KIRREL3: variants seen among roughly 807,000 people sequenced by gnomAD.
The protein encoded by KIRREL3 is kin of IRRE-like protein 3.
KIRREL3 carries 36 observed loss-of-function variants against 89.7 expected under a neutral mutation model. That is an observed-to-expected ratio of 0.40 (90% CI 0.31 to 0.53). The LOEUF is 0.53. Among genes scored for constraint, KIRREL3 ranks in the 20% least tolerant of loss-of-function variants. The pLI is 0.49. For synonymous variants in KIRREL3, 445 were observed against 441.4 expected (o/e 1.01, Z -0.10); for missense variants, 864 against 1,056.6 (o/e 0.82, Z 2.53).
At chr11:126,674,135 G>A (rs753439437) in intron 1 of KIRREL3, among the ~76,000 whole-genome samples, 2 of 152,212 alleles carry the variant, frequency 1.3e-5, no homozygotes, top group Non-Finnish European at 2.9e-5. Flanking sequence ...TGGCTCTGCT[G>A]GAATGTTACA....
At chr11:126,629,112 T>C (rs1421711448) in intron 1 of KIRREL3, among the ~76,000 whole-genome samples, 1 of 152,210 alleles carries the variant, frequency 6.6e-6, no homozygotes, top group Non-Finnish European at 1.5e-5. Flanking sequence ...ATGATGCACA[T>C]GTCTTGCTTC....
In KIRREL3 at chr11:126,814,553, T is replaced by C. The variant is rs1951496213; in HGVS notation, c.55+185902A>G. On this transcript the variant is annotated intron_variant, in intron 1 of 16. Transcript: ENST00000525144. This position sits in a 1 kb window ranked among gnomAD's most constrained non-coding sequence, Gnocchi z 4.4. ...TCAATGATAGACTGGATAAAGAAAA[T>C]GTGATACATATACACCATGGAATAC... Among the ~76,000 whole-genome samples the C allele has an allele frequency of 6.6e-6, 1 of 152,036 alleles. No homozygotes were observed. Among genetic ancestry groups the C allele is most frequent in the South Asian group, 2.1e-4 (1 of 4,824 alleles).
Position 126,696,312 on chromosome 11 carries a change from A to AACCCTTCTCCCTTTCTTTG in KIRREL3, c.56-133419_56-133401dup, listed in dbSNP as rs563909245. Among the ~76,000 whole-genome samples the AACCCTTCTCCCTTTCTTTG allele has an allele frequency of 6.4e-4, 96 of 150,880 alleles. No homozygotes were observed. The highest frequency in any genetic ancestry group is 2.2e-3 in the African/African-American group (91 of 41,078). On this transcript the variant is annotated intron_variant, in intron 1 of 16. Transcript: ENST00000525144. This position sits in a 1 kb window ranked among gnomAD's most constrained non-coding sequence, Gnocchi z 4.4. ...CCTAGTGCTTCCTTATTGCTTAATT[A>AACCCTTCTCCCTTTCTTTG]ACCCTTCTCCCTTTCTTTGACCCTT... is the stretch of plus-strand genomic sequence containing the variant.
chr11:126,960,959 G>C (rs1390310220), intron 1 of KIRREL3, among the ~76,000 whole-genome samples: 1 of 152,092 alleles, frequency 6.6e-6, no homozygotes, highest in Non-Finnish European at 1.5e-5. Context: ...ATGGTGATCT[G>C]TGATCAGTGA....
chr11:126,801,290 AC>A (rs1951024871), intron 1 of KIRREL3, among the ~76,000 whole-genome samples: 2 of 152,206 alleles, frequency 1.3e-5, no homozygotes, highest in Non-Finnish European at 2.9e-5. Flanking sequence ...TCAGCCTGAT[AC>A]ATCATTTTTC....
At chr11:126,556,997 C>T (rs922578151) in intron 2 of KIRREL3, among the ~76,000 whole-genome samples, 2 of 152,246 alleles carry the variant, frequency 1.3e-5, no homozygotes, top group Admixed American at 1.3e-4. Flanking sequence ...CGGTATTAGC[C>T]AACATCCCGG....
Position 126,576,852 on chromosome 11 carries a change from A to G in KIRREL3, c.56-13940T>C, listed in dbSNP as rs1226669484. ...ACTGGAATGCAGAAGGAAGGACAAG[A>G]GATGAGCCTTTACTGAGATGCTGCT... is the stretch of plus-strand genomic sequence containing the variant. On this transcript the variant is annotated intron_variant, in intron 1 of 16. Transcript: ENST00000525144. The surrounding 1 kb of genome is among the most constrained non-coding windows in gnomAD (Gnocchi z 5.4). Among the ~76,000 whole-genome samples the G allele has an allele frequency of 2.0e-5, 3 of 152,270 alleles. No individual in the cohort carries two copies. The East Asian group carries it at 5.8e-4, about 29-fold the overall frequency.
chr11:126,674,261 T>C (rs1193837741), intron 1 of KIRREL3, among the ~76,000 whole-genome samples: 1 of 152,244 alleles, frequency 6.6e-6, no homozygotes, highest in Non-Finnish European at 1.5e-5. Context: ...CTCCAATTTA[T>C]GTCACAAGGA....
intron 1 of KIRREL3, among the ~76,000 whole-genome samples, chr11:126,833,944 T>C (rs111344538): frequency 0.013 from 2,049 of 152,312 alleles, 46 homozygotes; most frequent in African/African-American, 0.047. Context: ...TGTTTCAGCC[T>C]TTGGAGTTGA....
chr11:126,587,170 C>A lies in KIRREL3; in HGVS notation c.56-24258G>T, dbSNP rs1941904583. Among the ~76,000 whole-genome samples the A allele has an allele frequency of 6.6e-6, 1 of 151,902 alleles. No homozygotes were observed. Among genetic ancestry groups the A allele is most frequent in the South Asian group, 2.1e-4 (1 of 4,826 alleles). Reference sequence around the variant, plus strand: ...GAGCCACTCACCAGACATGGCAGTTCTTGGAAAATGTCCACTGGGGACATG... The same window carrying A: ...GAGCCACTCACCAGACATGGCAGTTATTGGAAAATGTCCACTGGGGACATG... On this transcript the variant is annotated intron_variant, in intron 1 of 16. Coordinates refer to ENST00000525144, the MANE Select transcript of KIRREL3 (RefSeq NM_032531.4). This position sits in a 1 kb window ranked among gnomAD's most constrained non-coding sequence, Gnocchi z 5.2.
rs776767535 is a variant in KIRREL3 at position 126,526,623 on chromosome 11, C to A, written c.198G>T (p.Thr66=). The A allele has an allele frequency of 6.2e-7, 1 of 1,600,632 alleles. No homozygotes were observed. Among genetic ancestry groups the A allele is most frequent in the Non-Finnish European group, 8.5e-7 (1 of 1,173,838 alleles). The change falls in exon 3 of 17, where the codon ACG becomes ACT. Residue 66 remains threonine, a synonymous_variant. Coordinates refer to ENST00000525144, the MANE Select transcript of KIRREL3 (RefSeq NM_032531.4). The surrounding 1 kb of genome is among the most constrained non-coding windows in gnomAD (Gnocchi z 5.7). ...DQVVVSGQPV[T]LLCAIPEYDG... is the part of the protein sequence containing the mutation. ...CGTATTCGGGGATGGCGCAAAGTAG[C>A]GTCACTGGCTGTCCCGACACCACCA... is the stretch of plus-strand genomic sequence containing the variant.
chr11:126,806,314 C>T (rs527892407), intron 1 of KIRREL3, among the ~76,000 whole-genome samples: 2 of 152,308 alleles, frequency 1.3e-5, no homozygotes, highest in Non-Finnish European at 2.9e-5. Flanking sequence ...CAAATGCCAT[C>T]CTTTGCCTCT....
At chr11:126,980,820 C>G (rs1055590862) in intron 1 of KIRREL3, among the ~76,000 whole-genome samples, 3 of 152,122 alleles carry the variant, frequency 2.0e-5, no homozygotes, top group Non-Finnish European at 4.4e-5. Context: ...AAAAGTGATA[C>G]TGGGCTACAT....
In KIRREL3 at chr11:126,923,249, CT is replaced by C. The variant is rs367935407; in HGVS notation, c.55+77205del. ...TCTTCTTCTTCTTCTTCTTCTTCTT[CT>C]TCTTCTTCTTCTTCTTCTCCTTCTC... On this transcript the variant is annotated intron_variant, in intron 1 of 16. Coordinates refer to ENST00000525144, the MANE Select transcript of KIRREL3 (RefSeq NM_032531.4). Among the ~76,000 whole-genome samples the C allele has an allele frequency of 1.0e-2, 636 of 63,652 alleles. 147 individuals are homozygous for C. The highest frequency in any genetic ancestry group is 0.013 in the Non-Finnish European group (398 of 30,322). The allele number at this position is 63,652 out of a possible 152,430, so 41.8% of individuals were successfully genotyped here.
At chr11:126,552,516 C>A in intron 2 of KIRREL3, among the ~76,000 whole-genome samples, 1 of 145,742 alleles carries the variant, frequency 6.9e-6, no homozygotes, top group East Asian at 2.1e-4. Context: ...GCCCTGGTCC[C>A]GGGATCACTG....
At position 126,516,625 on chromosome 11, in the gene KIRREL3, A is replaced by G. The variant is rs1157158945; in HGVS notation, c.433+4690T>C. 6.6e-6 allele frequency among the ~76,000 whole-genome samples: 1 copy of G among 152,290 alleles called. No homozygotes were observed. The highest frequency in any genetic ancestry group is 1.9e-4 in the East Asian group (1 of 5,178). ...AACATTTGTTGATCAAATCCTTGGT[A>G]CCATTTCCTCCCTGCCCTGGATGTC... On this transcript the variant is annotated intron_variant, in intron 4 of 16. Coordinates refer to ENST00000525144, the MANE Select transcript of KIRREL3 (RefSeq NM_032531.4). This position sits in a 1 kb window ranked among gnomAD's most constrained non-coding sequence, Gnocchi z 4.9.
At chr11:126,440,606 C>T (rs1185769507) in intron 10 of KIRREL3, 57 bp from the exon 11 acceptor site, 3 of 1,457,058 alleles carry the variant, frequency 2.1e-6, no homozygotes, top group Non-Finnish European at 2.8e-6. Flanking sequence ...CTGCTGGCGC[C>T]CTCTTGGGTG....
Position 126,476,700 on chromosome 11 carries a change from T to C in KIRREL3, c.434-3234A>G, listed in dbSNP as rs893362664. On this transcript the variant is annotated intron_variant, in intron 4 of 16. Transcript: ENST00000525144. The surrounding 1 kb of genome is among the most constrained non-coding windows in gnomAD (Gnocchi z 6.4). The stretch of plus-strand genomic sequence containing the variant: ...GGGGGTTGGTGAGGATGGAGGATGT[T>C]TGGGGGCCAGCAGGCTGAAGAGAAA... Among the ~76,000 whole-genome samples the C allele has an allele frequency of 2.6e-5, 4 of 151,556 alleles. No homozygotes were observed. The highest frequency in any genetic ancestry group is 2.1e-4 in the South Asian group (1 of 4,786).
chr11:126,802,032 C>T lies in KIRREL3; in HGVS notation c.55+198423G>A, dbSNP rs142483789. On this transcript the variant is annotated intron_variant, in intron 1 of 16. Transcript: ENST00000525144. This position sits in a 1 kb window ranked among gnomAD's most constrained non-coding sequence, Gnocchi z 5.2. ...CACCCCCAAATCAGTTGGTTGAAAC[C>T]TGATTAATTGCTATTCCATAGGCAA... 3.9e-4 allele frequency among the ~76,000 whole-genome samples: 60 copies of T among 152,268 alleles called. 1 individual carries two copies. Among genetic ancestry groups the T allele is most frequent in the African/African-American group, 1.3e-3 (52 of 41,568 alleles).
Sources: allele counts gnomAD v4.1 joint callset (sites outside exome capture counted in the v4.1 genomes callset), GRCh38; gene constraint gnomAD v4.1.1; non-coding constraint Gnocchi (gnomAD v3.1); transcripts MANE v1.5; gene names NCBI Gene and HGNC (gene_info 2026-07-23, HGNC 2026-07-21).